PKDCC: variants seen among roughly 807,000 people sequenced by gnomAD.
The protein encoded by PKDCC is protein kinase domain containing, cytoplasmic, also known as extracellular tyrosine-protein kinase PKDCC.
In PKDCC, 35 loss-of-function variants were observed where a neutral mutation model predicts 44.7. The observed-to-expected ratio is 0.78, with a 90% CI of 0.60 to 1.04. The LOEUF (loss-of-function observed/expected upper bound fraction) is 1.04. Ranked by LOEUF, PKDCC falls within the 50% of genes least tolerant of loss-of-function variation. PKDCC has a pLI of 0.00. For synonymous variants in PKDCC, 353 were observed against 303.3 expected, an observed-to-expected ratio of 1.16 and a Z score of -1.70; for missense variants, 738 against 672.7, an observed-to-expected ratio of 1.10 and a Z score of -1.07.
At position 42,048,909 on chromosome 2, in the gene PKDCC, A is replaced by C. The variant is rs1572759206; in HGVS notation, c.639+71A>C. 36 of 1,369,188 alleles carry C rather than the reference A, an allele frequency of 2.6e-5. No homozygotes were observed. The highest frequency in any genetic ancestry group is 3.4e-5 in the Non-Finnish European group (36 of 1,056,442). The allele number at this position is 1,369,188 out of a possible 1,614,324, so 84.8% of individuals were successfully genotyped here. The stretch of plus-strand genomic sequence containing the variant: ...CCAAGACCTTGTCAACCTGGCTGGA[A>C]GAGAACCCCTTGATCTGGAGTGCCA... On this transcript the variant is annotated intron_variant, in intron 1 of 6. Coordinates refer to ENST00000294964, the MANE Select transcript of PKDCC (RefSeq NM_138370.3). The surrounding 1 kb of genome is among the most constrained non-coding windows in gnomAD (Gnocchi z 6.2).
At chr2:42,049,918 C>T (rs1200222092) in intron 1 of PKDCC, among the ~76,000 whole-genome samples, 4 of 152,222 alleles carry the variant, frequency 2.6e-5, no homozygotes, top group African/African-American at 9.7e-5. Context: ...CACCTTCCAC[C>T]TACCAGCCCA....
chr2:42,054,466 C>T lies in PKDCC; in HGVS notation c.1034+159C>T, dbSNP rs2103929645. ...CCTGTCCAGAAGGGAACATTCAGGC[C>T]TCTGATGGAGAGGCTAAAAATAGAC... On this transcript the variant is annotated intron_variant, in intron 3 of 6. Coordinates refer to ENST00000294964, the MANE Select transcript of PKDCC (RefSeq NM_138370.3). The surrounding 1 kb of genome is among the most constrained non-coding windows in gnomAD (Gnocchi z 6.1). 1.1e-6 allele frequency: 1 copy of T among 875,306 alleles called. No homozygotes were observed. The highest frequency in any genetic ancestry group is 1.7e-6 in the Non-Finnish European group (1 of 582,138). 54.2% of individuals were successfully genotyped at this position (875,306 alleles called of 1,614,324 possible). A position where few individuals can be genotyped will look rare whatever the true frequency, so the allele number is the denominator to read the frequency against.
rs1199407428 is a variant in PKDCC at position 42,051,942 on chromosome 2, C to T, written c.640-1297C>T. 2.6e-5 allele frequency among the ~76,000 whole-genome samples: 4 copies of T among 152,196 alleles called. No individual in the cohort carries two copies. In the East Asian group the frequency reaches 7.7e-4, roughly 29 times the overall value. On this transcript the variant is annotated intron_variant, in intron 1 of 6. Transcript: ENST00000294964. This position sits in a 1 kb window ranked among gnomAD's most constrained non-coding sequence, Gnocchi z 4.2. ...ATAGCTCTCCTCTCCCTGAGTCGGG[C>T]CTGGACAACTCAGCCTTCGTGTTTC...
chr2:42,054,168 G>A lies in PKDCC; in HGVS notation c.895G>A (p.Ala299Thr), dbSNP rs368270876. The change falls in exon 3 of 7, where the codon GCA becomes ACA. Residue 299 changes from alanine to threonine, a missense_variant. Ala to Thr is a moderately conservative substitution (Grantham distance 58). Coordinates refer to ENST00000294964, the MANE Select transcript of PKDCC (RefSeq NM_138370.3). This position sits in a 1 kb window ranked among gnomAD's most constrained non-coding sequence, Gnocchi z 6.1. Reference sequence around the variant, plus strand: ...GCTCAAAGTGACGGACCTGGATGACGCACGTGTGGAGGAGACGCCGTGTGC... The same window carrying A: ...GCTCAAAGTGACGGACCTGGATGACACACGTGTGGAGGAGACGCCGTGTGC... ...GELKVTDLDDARVEETPCAGS... is the reference protein window; with the variant it reads ...GELKVTDLDDTRVEETPCAGS... The A allele has an allele frequency of 1.7e-5, 28 of 1,612,186 alleles. No homozygotes were observed. Among genetic ancestry groups the A allele is most frequent in the African/African-American group, 2.7e-5 (2 of 74,906 alleles).
Position 42,054,847 on chromosome 2 carries a change from C to A in PKDCC, c.1035-94C>A. On this transcript the variant is annotated intron_variant, in intron 3 of 6. Transcript: ENST00000294964. The surrounding 1 kb of genome is among the most constrained non-coding windows in gnomAD (Gnocchi z 6.1). Reference sequence around the variant, plus strand: ...TGCTAGGCCTGAGGGATCCGGCTCCCTGGCCAGGTTAGCGTTCTGCCCCAG... The same window carrying A: ...TGCTAGGCCTGAGGGATCCGGCTCCATGGCCAGGTTAGCGTTCTGCCCCAG... 1 of 1,219,668 alleles carries A rather than the reference C, an allele frequency of 8.2e-7. No individual in the cohort carries two copies. The highest frequency in any genetic ancestry group is 1.2e-6 in the Non-Finnish European group (1 of 823,972). 75.6% of individuals were successfully genotyped at this position (1,219,668 alleles called of 1,614,324 possible).
In PKDCC at chr2:42,055,505, A is replaced by G; in HGVS notation, c.1222+112A>G. The G allele has an allele frequency of 3.5e-6, 3 of 868,538 alleles. No homozygotes were observed. The highest frequency in any genetic ancestry group is 5.5e-6 in the Non-Finnish European group (3 of 548,360). The allele number at this position is 868,538 out of a possible 1,614,324, so 53.8% of individuals were successfully genotyped here. A position where few individuals can be genotyped will look rare whatever the true frequency, so the allele number is the denominator to read the frequency against. On this transcript the variant is annotated intron_variant, in intron 5 of 6. Transcript: ENST00000294964. The surrounding 1 kb of genome is among the most constrained non-coding windows in gnomAD (Gnocchi z 4.5). ...CTTTCTCTGGGGACCCTTGTCTCCA[A>G]AGGCCACTGTAGGGGCTCACATAGA...
Position 42,048,656 on chromosome 2 carries a change from T to C in PKDCC, c.457T>C (p.Tyr153His). The change falls in exon 1 of 7, where the codon TAC (tyrosine) becomes CAC (histidine). Residue 153 changes from tyrosine to histidine, a missense_variant. Physicochemically the swap from Tyr to His is moderately conservative, Grantham distance 83. Transcript: ENST00000294964. This position sits in a 1 kb window ranked among gnomAD's most constrained non-coding sequence, Gnocchi z 6.2. ...GGGCTCAGGCTACACCAAGGCCGTG[T>C]ACCGGGTCCGCCTGCCCGGCGGTGC... Reference protein sequence around the residue: ...YMGSGYTKAVYRVRLPGGAAV... With the variant: ...YMGSGYTKAVHRVRLPGGAAV... The C allele has an allele frequency of 6.5e-7, 1 of 1,545,424 alleles. No homozygotes were observed. The highest frequency in any genetic ancestry group is 8.7e-7 in the Non-Finnish European group (1 of 1,146,178).
In PKDCC at chr2:42,057,806, A is replaced by G. The variant is rs772773489; in HGVS notation, c.*118A>G. On this transcript the variant is annotated 3_prime_UTR_variant, in exon 7 of 7. Coordinates refer to ENST00000294964, the MANE Select transcript of PKDCC (RefSeq NM_138370.3). ...CCTGGGAACCCCTGCAGACAAAGCT[A>G]ACATCCCAGACAGACAGATGTGACC... 4.4e-5 allele frequency: 35 copies of G among 801,670 alleles called. No homozygotes were observed. The Middle Eastern group carries it at 2.1e-3, about 47-fold the overall frequency. The allele number at this position is 801,670 out of a possible 1,614,324, so 49.7% of individuals were successfully genotyped here. A position where few individuals can be genotyped will look rare whatever the true frequency, so the allele number is the denominator to read the frequency against.
rs1226952160 is a variant in PKDCC, at chr2:42,054,190, G to T, written c.917G>T (p.Cys306Phe). The T allele has an allele frequency of 6.2e-7, 1 of 1,608,922 alleles. No homozygotes were observed. Among genetic ancestry groups the T allele is most frequent in the South Asian group, 1.1e-5 (1 of 90,186 alleles). ...LDDARVEETP[C>F]AGSTDCILEF... is the part of the protein sequence containing the mutation. The stretch of plus-strand genomic sequence containing the variant: ...GACGCACGTGTGGAGGAGACGCCGT[G>T]TGCAGGCAGCACCGACTGCATACTC... The change falls in exon 3 of 7, where the codon TGT becomes TTT. Residue 306 changes from cysteine to phenylalanine, a missense_variant. By Grantham distance (205) the Cys-to-Phe change is radical. Coordinates refer to ENST00000294964, the MANE Select transcript of PKDCC (RefSeq NM_138370.3). This position sits in a 1 kb window ranked among gnomAD's most constrained non-coding sequence, Gnocchi z 6.1.
chr2:42,053,435 A>G (rs1668002665), intron 2 of PKDCC, 74 bp downstream of exon 2: 3 of 1,513,448 alleles, frequency 2.0e-6, no homozygotes, highest in African/African-American at 2.8e-5. Flanking sequence ...AGCCCTCCAA[A>G]GCAGCTCCCA....
In PKDCC at chr2:42,051,472, C is replaced by T. The variant is rs1667966744; in HGVS notation, c.640-1767C>T. 2.4e-5 allele frequency among the ~76,000 whole-genome samples: 3 copies of T among 124,332 alleles called. No homozygotes were observed. The highest frequency in any genetic ancestry group is 7.8e-5 in the African/African-American group (2 of 25,770). 81.6% of individuals were successfully genotyped at this position (124,332 alleles called of 152,430 possible). A position where few individuals can be genotyped will look rare whatever the true frequency, so the allele number is the denominator to read the frequency against. On this transcript the variant is annotated intron_variant, in intron 1 of 6. Transcript: ENST00000294964. This position sits in a 1 kb window ranked among gnomAD's most constrained non-coding sequence, Gnocchi z 4.2. ...AAAAGATGTGACTGAAATGCTCAGCCTCACGCTTCCTGGGGGGGGTTAATG... is the reference window on the plus strand; with the variant it reads ...AAAAGATGTGACTGAAATGCTCAGCTTCACGCTTCCTGGGGGGGGTTAATG...
Position 42,055,275 on chromosome 2 carries a change from G to A in PKDCC, c.1115-11G>A. 2 of 1,609,770 alleles carry A rather than the reference G, an allele frequency of 1.2e-6. No homozygotes were observed. The highest frequency in any genetic ancestry group is 1.7e-6 in the Non-Finnish European group (2 of 1,178,386). On this transcript the variant is annotated splice_polypyrimidine_tract_variant and intron_variant, in intron 4 of 6. Coordinates refer to ENST00000294964, the MANE Select transcript of PKDCC (RefSeq NM_138370.3). This position sits in a 1 kb window ranked among gnomAD's most constrained non-coding sequence, Gnocchi z 4.5. Reference sequence around the variant, plus strand: ...CCAGGCATCCTGTCTTAGCCACACTGCACTCTGCAGGAGAGCTCGCCTGGG... The same window carrying A: ...CCAGGCATCCTGTCTTAGCCACACTACACTCTGCAGGAGAGCTCGCCTGGG...
At position 42,053,380 on chromosome 2, in the gene PKDCC, T is replaced by C. The variant is rs1668002133; in HGVS notation, c.762+19T>C. 6 of 1,600,296 alleles carry C rather than the reference T, an allele frequency of 3.7e-6. No homozygotes were observed. Among genetic ancestry groups the C allele is most frequent in the Non-Finnish European group, 5.1e-6 (6 of 1,173,326 alleles). On this transcript the variant is annotated intron_variant, in intron 2 of 6. Transcript: ENST00000294964. ...ATTCCGAGTGAGCTCAGAGGAGGGC[T>C]CGGGCCCTGGGCTCCTTGCTAGGAT...
Position 42,051,370 on chromosome 2 carries a change from G to A in PKDCC, c.640-1869G>A, listed in dbSNP as rs1667964561. Among the ~76,000 whole-genome samples the A allele has an allele frequency of 4.8e-5, 4 of 83,148 alleles. No homozygotes were observed. The allele number at this position is 83,148 out of a possible 152,430, so 54.5% of individuals were successfully genotyped here. A position where few individuals can be genotyped will look rare whatever the true frequency, so the allele number is the denominator to read the frequency against. Reference sequence around the variant, plus strand: ...TCCCCCAGTCATCCTGGGGCCCCCAGGCCTTGGATGGGCCCCCAGGCCTGC... The same window carrying A: ...TCCCCCAGTCATCCTGGGGCCCCCAAGCCTTGGATGGGCCCCCAGGCCTGC... On this transcript the variant is annotated intron_variant, in intron 1 of 6. Transcript: ENST00000294964. The surrounding 1 kb of genome is among the most constrained non-coding windows in gnomAD (Gnocchi z 4.2).
rs1416501249 is a variant in PKDCC, at chr2:42,048,617, G to T, written c.418G>T (p.Gly140Cys). ...LGCAALRNVS[G>C]AQYMGSGYTK... ...CTGCGCCGCGCTTCGCAACGTGTCC[G>T]GCGCGCAGTACATGGGCTCAGGCTA... The change falls in exon 1 of 7, where the codon GGC (glycine) becomes TGC (cysteine). Residue 140 changes from glycine (G) to cysteine (C), a missense_variant. By Grantham distance (159) the Gly-to-Cys change is radical (BLOSUM62 -3). Coordinates refer to ENST00000294964, the MANE Select transcript of PKDCC (RefSeq NM_138370.3). This position sits in a 1 kb window ranked among gnomAD's most constrained non-coding sequence, Gnocchi z 6.2. 1 of 1,523,246 alleles carries T rather than the reference G, an allele frequency of 6.6e-7. No homozygotes were observed. The highest frequency in any genetic ancestry group is 1.4e-5 in the African/African-American group (1 of 71,936). 94.4% of individuals were successfully genotyped at this position (1,523,246 alleles called of 1,614,324 possible).
Position 42,054,058 on chromosome 2 carries a change from T to G in PKDCC, c.785T>G (p.Leu262Arg), listed in dbSNP as rs373676533. Residue 262 changes from leucine (L) to arginine (R), a missense_variant, in exon 3 of 7, where the codon CTC (leucine) becomes CGC (arginine). Physicochemically the swap from Leu to Arg is moderately radical, Grantham distance 102. Transcript: ENST00000294964. The surrounding 1 kb of genome is among the most constrained non-coding windows in gnomAD (Gnocchi z 6.1). ...CAGATCTGCCTGAGCCTGGGCCGCC[T>G]CCTCCACCACCTGGCCCACTCCCCA... ...RFRICLSLGR[L>R]LHHLAHSPLG... is the part of the protein sequence containing the mutation. 20 of 1,611,774 alleles carry G rather than the reference T, an allele frequency of 1.2e-5. No individual in the cohort carries two copies. The highest frequency in any genetic ancestry group is 4.0e-5 in the African/African-American group (3 of 74,856).
At position 42,054,158 on chromosome 2, in the gene PKDCC, C is replaced by G. The variant is rs2103929142; in HGVS notation, c.885C>G (p.Asp295Glu). The change falls in exon 3 of 7, where the codon GAC becomes GAG. Residue 295 changes from aspartate (D) to glutamate (E), a missense_variant. Asp to Glu is a conservative substitution (Grantham distance 45). Coordinates refer to ENST00000294964, the MANE Select transcript of PKDCC (RefSeq NM_138370.3). The surrounding 1 kb of genome is among the most constrained non-coding windows in gnomAD (Gnocchi z 6.1). The stretch of plus-strand genomic sequence containing the variant: ...TGGATGGGGAGCTCAAAGTGACGGA[C>G]CTGGATGACGCACGTGTGGAGGAGA... ...VLVDGELKVT[D>E]LDDARVEETP... The G allele has an allele frequency of 1.9e-6, 3 of 1,612,990 alleles. No individual in the cohort carries two copies. Among genetic ancestry groups the G allele is most frequent in the Non-Finnish European group, 2.5e-6 (3 of 1,179,568 alleles).
Position 42,048,646 on chromosome 2 carries a change from C to G in PKDCC, c.447C>G (p.Thr149=), listed in dbSNP as rs1484993234. ...SGAQYMGSGY[T]KAVYRVRLPG... is the part of the protein sequence containing the mutation. ...CGCAGTACATGGGCTCAGGCTACACCAAGGCCGTGTACCGGGTCCGCCTGC... is the reference window on the plus strand; with the variant it reads ...CGCAGTACATGGGCTCAGGCTACACGAAGGCCGTGTACCGGGTCCGCCTGC... The change falls in exon 1 of 7, where the codon ACC becomes ACG. Residue 149 remains threonine (T), a synonymous_variant. Transcript: ENST00000294964. This position sits in a 1 kb window ranked among gnomAD's most constrained non-coding sequence, Gnocchi z 6.2. 6 of 1,544,496 alleles carry G rather than the reference C, an allele frequency of 3.9e-6. No homozygotes were observed. Among genetic ancestry groups the G allele is most frequent in the Non-Finnish European group, 5.2e-6 (6 of 1,146,158 alleles).
Position 42,048,365 on chromosome 2 carries a change from C to T in PKDCC, c.166C>T (p.Leu56=). The T allele has an allele frequency of 8.6e-7, 1 of 1,160,132 alleles. No homozygotes were observed. Among genetic ancestry groups the T allele is most frequent in the East Asian group, 3.9e-5 (1 of 25,320 alleles). 71.9% of individuals were successfully genotyped at this position (1,160,132 alleles called of 1,614,324 possible). A position where few individuals can be genotyped will look rare whatever the true frequency, so the allele number is the denominator to read the frequency against. The change falls in exon 1 of 7, where the codon CTG becomes TTG. Residue 56 remains leucine (L), a synonymous_variant. Transcript: ENST00000294964. This position sits in a 1 kb window ranked among gnomAD's most constrained non-coding sequence, Gnocchi z 6.2. The part of the protein sequence containing the change: ...GPGRRGGRGE[L]ARQIRARYEE... ...GGGCCGTCGCGGGGGCCGCGGGGAG[C>T]TGGCCCGGCAGATCCGGGCGCGCTA...
Sources: gnomAD v4.1 joint callset for allele counts (sites outside exome capture counted in the v4.1 genomes callset) on GRCh38, gnomAD v4.1.1 for gene constraint, Gnocchi (gnomAD v3.1) non-coding constraint, MANE v1.5 for transcripts, NCBI Gene and HGNC (gene_info 2026-07-23, HGNC 2026-07-21) for gene names.